Variants in OPCML observed in about 807,000 individuals in gnomAD.
The protein encoded by OPCML is opioid binding protein/cell adhesion molecule like, also known as opioid-binding protein/cell adhesion molecule.
In OPCML, 13 loss-of-function variants were observed where a neutral mutation model predicts 37.8. The ratio of observed to expected loss-of-function variants is 0.34; its 90% CI spans 0.22 to 0.55. OPCML has a LOEUF of 0.55. Ranked by LOEUF, OPCML falls within the 20% of genes least tolerant of loss-of-function variation. OPCML has a pLI of 0.91. For missense variants in OPCML, 341 were observed against 435.6 expected, an observed-to-expected ratio of 0.78 and a Z score of 1.93; for synonymous variants, 176 against 168.8, an observed-to-expected ratio of 1.04 and a Z score of -0.33.
intron 1 of OPCML, among the ~76,000 whole-genome samples, chr11:133,347,307 C>T (rs1359853555): frequency 2.0e-5 from 3 of 152,160 alleles, no homozygotes; most frequent in African/African-American, 4.8e-5. Context: ...GTTGTCCTCC[C>T]GGGAGCTGCA....
intron 1 of OPCML, among the ~76,000 whole-genome samples, chr11:132,985,186 AAAC>A (rs1370640752): frequency 6.6e-6 from 1 of 152,148 alleles, no homozygotes; most frequent in Admixed American, 6.5e-5. Context: ...TATCAACTTG[AAAC>A]AACATGTTTG....
intron 1 of OPCML, among the ~76,000 whole-genome samples, chr11:133,092,497 C>T (rs533772456): frequency 7.9e-4 from 120 of 152,054 alleles, no homozygotes; most frequent in Non-Finnish European, 1.3e-3. Flanking sequence ...GAAGCTGAGG[C>T]GGGCAGATCA....
At chr11:133,443,558 A>G (rs1450177828) in intron 1 of OPCML, among the ~76,000 whole-genome samples, 1 of 152,216 alleles carries the variant, frequency 6.6e-6, no homozygotes, top group Non-Finnish European at 1.5e-5. Context: ...TCCTGGCTGG[A>G]AATAATAGGC....
chr11:133,192,485 C>G (rs953353610), intron 1 of OPCML, among the ~76,000 whole-genome samples: 1 of 152,228 alleles, frequency 6.6e-6, no homozygotes, highest in African/African-American at 2.4e-5. Context: ...ATTCTATTAC[C>G]CTTGCAGTTA....
intron 1 of OPCML, among the ~76,000 whole-genome samples, chr11:133,328,904 C>T (rs960793233): frequency 1.3e-5 from 2 of 152,184 alleles, no homozygotes; most frequent in Non-Finnish European, 2.9e-5. Context: ...TCCCTGTTTG[C>T]AGACGACATG....
Position 132,678,435 on chromosome 11 carries a change from C to T in OPCML, c.147-21116G>A, listed in dbSNP as rs112558138. Among the ~76,000 whole-genome samples, 771 of 152,266 alleles carry T rather than the reference C, an allele frequency of 5.1e-3. 5 individuals are homozygous for T. Among genetic ancestry groups the T allele is most frequent in the African/African-American group, 0.018 (738 of 41,544 alleles). On this transcript the variant is annotated intron_variant, in intron 2 of 7. Transcript: ENST00000524381. ...TTGAAAGTTTATGACCATGCAAAGA[C>T]CTGCACACAGATGTTTACCGCAACT... is the stretch of plus-strand genomic sequence containing the variant.
chr11:133,349,704 G>A (rs567750898), intron 1 of OPCML, among the ~76,000 whole-genome samples: 3 of 152,114 alleles, frequency 2.0e-5, no homozygotes, highest in Non-Finnish European at 4.4e-5. Flanking sequence ...TCCCCACGGT[G>A]GATTTTCTTT....
chr11:132,704,621 G>A (rs1340932891), intron 2 of OPCML, among the ~76,000 whole-genome samples: 1 of 152,242 alleles, frequency 6.6e-6, no homozygotes, highest in African/African-American at 2.4e-5. Context: ...AATTTGTTTA[G>A]AAACTCTAAA....
chr11:132,790,722 T>G (rs558475538), intron 2 of OPCML, among the ~76,000 whole-genome samples: 1 of 152,220 alleles, frequency 6.6e-6, no homozygotes, highest in African/African-American at 2.4e-5. Context: ...AAAGGTCTGT[T>G]TCCATCTCTT....
At chr11:132,779,217 C>T (rs1372909133) in intron 2 of OPCML, among the ~76,000 whole-genome samples, 1 of 152,162 alleles carries the variant, frequency 6.6e-6, no homozygotes, top group African/African-American at 2.4e-5. Flanking sequence ...ATCTGCCCAC[C>T]TCAGCCTCCC....
intron 1 of OPCML, among the ~76,000 whole-genome samples, chr11:133,213,653 T>C (rs1307396552): frequency 2.6e-5 from 4 of 152,212 alleles, no homozygotes; most frequent in Non-Finnish European, 1.5e-5. Context: ...TTACATGAGA[T>C]GCTAAAAGTT....
chr11:132,966,822 T>C (rs909461156), intron 1 of OPCML, among the ~76,000 whole-genome samples: 1 of 152,120 alleles, frequency 6.6e-6, no homozygotes, highest in Non-Finnish European at 1.5e-5. Flanking sequence ...CTGCAGTAAA[T>C]TTTGTTGTTT....
intron 1 of OPCML, among the ~76,000 whole-genome samples, chr11:133,249,324 G>A (rs867368991): frequency 1.3e-5 from 2 of 152,000 alleles, no homozygotes; most frequent in African/African-American, 2.4e-5. Context: ...GAGGTGCCAG[G>A]CTCTTTTGAA....
At chr11:132,856,573 C>T (rs1056507045) in intron 2 of OPCML, among the ~76,000 whole-genome samples, 7 of 152,090 alleles carry the variant, frequency 4.6e-5, no homozygotes, top group African/African-American at 1.2e-4. Flanking sequence ...AGTAGCTTCC[C>T]GATAAGCTCT....
intron 3 of OPCML, among the ~76,000 whole-genome samples, chr11:132,607,789 G>T (rs967476233): frequency 3.3e-5 from 5 of 152,102 alleles, no homozygotes; most frequent in African/African-American, 1.2e-4. Flanking sequence ...AGACTTATTT[G>T]TTCTTACTCA....
At chr11:132,795,281 G>A (rs570862688) in intron 2 of OPCML, among the ~76,000 whole-genome samples, 2 of 152,198 alleles carry the variant, frequency 1.3e-5, no homozygotes, top group Admixed American at 1.3e-4. Flanking sequence ...TACTTGTACT[G>A]GAGAAGACTT....
chr11:132,871,520 G>A (rs1365217902), intron 2 of OPCML, among the ~76,000 whole-genome samples: 4 of 152,214 alleles, frequency 2.6e-5, no homozygotes, highest in Non-Finnish European at 5.9e-5. Context: ...TTTTATAAGA[G>A]AGACTTGAGC....
intron 1 of OPCML, among the ~76,000 whole-genome samples, chr11:133,203,211 A>G (rs571584929): frequency 6.6e-6 from 1 of 152,352 alleles, no homozygotes; most frequent in East Asian, 1.9e-4. Context: ...ACACCTTCCA[A>G]GCAAGTTACT....
At chr11:133,097,334 A>G (rs1949017675) in intron 1 of OPCML, among the ~76,000 whole-genome samples, 1 of 152,226 alleles carries the variant, frequency 6.6e-6, no homozygotes, top group Non-Finnish European at 1.5e-5. Context: ...GAGAAAATTT[A>G]AAGTATTTTG....
Sources: gnomAD v4.1 joint callset for allele counts (sites outside exome capture counted in the v4.1 genomes callset) on GRCh38, gnomAD v4.1.1 for gene constraint, MANE v1.5 for transcripts, NCBI Gene and HGNC (gene_info 2026-07-23, HGNC 2026-07-21) for gene names.